The following FAM111A variants were observed in gnomAD, a reference collection of about 807,000 sequenced individuals.
FAM111A encodes serine protease FAM111A.
A neutral mutation model predicts 3.3 loss-of-function variants in FAM111A; 8 were observed. That is an observed-to-expected ratio of 2.39 (90% confidence interval 1.40 to 4.32). FAM111A has a LOEUF of 4.32. FAM111A is among the 30% of genes most tolerant of loss of function. FAM111A has a pLI of 0.00. For synonymous variants in FAM111A, 227 were observed against 243.1 expected (o/e 0.93, Z 0.62); for missense variants, 683 against 727.6 (o/e 0.94, Z 0.71).
At position 59,152,188 on chromosome 11, in the gene FAM111A, C is replaced by A. The variant is rs1861764683; in HGVS notation, c.520C>A (p.Gln174Lys). 6.2e-7 allele frequency: 1 copy of A among 1,614,068 alleles called. No homozygotes were observed. Residue 174 changes from glutamine to lysine, a missense_variant, in exon 6 of 6, where the codon CAG (glutamine) becomes AAG (lysine). Coordinates refer to ENST00000675163, the MANE Select transcript of FAM111A (RefSeq NM_001312909.2). ...QKEDNHIFGRQDKASTECVKF... is the reference protein window; with the variant it reads ...QKEDNHIFGRKDKASTECVKF... ...GGAAGATAACCACATATTTGGCAGGCAGGACAAAGCATCGACTGAATGTGT... is the reference window on the plus strand; with the variant it reads ...GGAAGATAACCACATATTTGGCAGGAAGGACAAAGCATCGACTGAATGTGT...
rs143326650 is a variant in FAM111A, at chr11:59,151,775, G to A, written c.107G>A (p.Cys36Tyr). The A allele has an allele frequency of 1.2e-3, 1,899 of 1,594,248 alleles. 32 individuals are homozygous for A. The South Asian group carries it at 0.016, about 14-fold the overall frequency. The part of the protein sequence containing the change: ...SPVSKEQQNN[C>Y]STSLMRMESR... ...GTCTCTAAAGAGCAACAGAATAATT[G>A]CAGTACTTCTCTAATGAGGATGGAG... The change falls in exon 6 of 6, where the codon TGC becomes TAC. Residue 36 changes from cysteine (C) to tyrosine (Y), a missense_variant. Cys to Tyr is a radical substitution (Grantham distance 194). Around this residue, in one of 3 missense-constraint regions of FAM111A, gnomAD observed 557 missense variants for 600.2 expected, o/e 0.93. Coordinates refer to ENST00000675163, the MANE Select transcript of FAM111A (RefSeq NM_001312909.2).
chr11:59,146,883 T>A (rs1464794387), intron 4 of FAM111A, among the ~76,000 whole-genome samples: 12 of 152,212 alleles, frequency 7.9e-5, no homozygotes, highest in Non-Finnish European at 7.3e-5. Flanking sequence ...AAGGAAACTG[T>A]GTACCTCAGT....
At chr11:59,143,969 A>G (rs535424791) in intron 3 of FAM111A, 5 of 152,258 alleles carry the variant, frequency 3.3e-5, no homozygotes, top group Non-Finnish European at 7.4e-5. Context: ...TTATCTACCA[A>G]TCCTAAACTT....
intron 3 of FAM111A, chr11:59,145,121 G>A (rs1361471671): frequency 6.5e-6 from 1 of 152,744 alleles, no homozygotes; most frequent in African/African-American, 2.4e-5. Flanking sequence ...AGGATTGGAA[G>A]AGGCTTAGAG....
chr11:59,147,929 G>A (rs1238194043), intron 4 of FAM111A, among the ~76,000 whole-genome samples: 1 of 152,212 alleles, frequency 6.6e-6, no homozygotes, highest in African/African-American at 2.4e-5. Flanking sequence ...ACATGAGATA[G>A]TTGATGAAAA....
Position 59,151,943 on chromosome 11 carries a change from T to C in FAM111A, c.275T>C (p.Met92Thr), listed in dbSNP as rs1173134948. 6.2e-7 allele frequency: 1 copy of C among 1,614,044 alleles called. No individual in the cohort carries two copies. The highest frequency in any genetic ancestry group is 1.1e-5 in the South Asian group (1 of 91,082). The change falls in exon 6 of 6, where the codon ATG becomes ACG. Residue 92 changes from methionine (M) to threonine (T), a missense_variant. This residue lies in a region of FAM111A where 557 missense variants were observed against 600.2 expected (regional missense o/e 0.93). Coordinates refer to ENST00000675163, the MANE Select transcript of FAM111A (RefSeq NM_001312909.2). ...LKVNHRRNQDMKLKLTHSENS... is the reference protein window; with the variant it reads ...LKVNHRRNQDTKLKLTHSENS... ...GTAAACCACAGGAGAAACCAAGATA[T>C]GAAACTTAAGCTCACACATAGTGAG...
At chr11:59,144,595 T>C (rs1362074964) in intron 3 of FAM111A, 1 of 152,206 alleles carries the variant, frequency 6.6e-6, no homozygotes, top group Non-Finnish European at 1.5e-5. Context: ...CTCTGGGGAT[T>C]AGGAAATTCA....
chr11:59,149,123 T>A (rs1302999048), intron 5 of FAM111A, 170 bp downstream of exon 5: 3 of 586,018 alleles, frequency 5.1e-6, no homozygotes, highest in South Asian at 4.2e-5. Flanking sequence ...CTTTAAATCA[T>A]CTCTGGATTA....
In FAM111A at chr11:59,153,699, C is replaced by A. The variant is rs923176411; in HGVS notation, c.*195C>A. 4 of 472,766 alleles carry A rather than the reference C, an allele frequency of 8.5e-6. No individual in the cohort carries two copies. Among genetic ancestry groups the A allele is most frequent in the South Asian group, 6.6e-5 (2 of 30,086 alleles). The allele number at this position is 472,766 out of a possible 1,614,324, so 29.3% of individuals were successfully genotyped here. On this transcript the variant is annotated 3_prime_UTR_variant, in exon 6 of 6. Transcript: ENST00000675163. Reference sequence around the variant, plus strand: ...CACTATGAGATGGACTATAACTTGCCCAAATTTTTTTTTTTTTTTTGAGAC... The same window carrying A: ...CACTATGAGATGGACTATAACTTGCACAAATTTTTTTTTTTTTTTTGAGAC...
At position 59,152,987 on chromosome 11, in the gene FAM111A, A is replaced by T; in HGVS notation, c.1319A>T (p.Tyr440Phe). The T allele has an allele frequency of 6.2e-7, 1 of 1,614,162 alleles. No homozygotes were observed. The highest frequency in any genetic ancestry group is 8.5e-7 in the Non-Finnish European group (1 of 1,180,022). The change falls in exon 6 of 6, where the codon TAT becomes TTT. Residue 440 changes from tyrosine (Y) to phenylalanine (F), a missense_variant. Physicochemically the swap from Tyr to Phe is conservative, Grantham distance 22. Coordinates refer to ENST00000675163, the MANE Select transcript of FAM111A (RefSeq NM_001312909.2). ...GAGATACATAATGAAGAGCTTGACT[A>T]TGCTGTCCTGAAACTGAAGGAAAAT... The part of the protein sequence containing the change: ...WFEIHNEELD[Y>F]AVLKLKENGQ...
intron 5 of FAM111A, 32 bp from the exon 6 acceptor site, chr11:59,151,718 A>C (rs766360119): frequency 6.8e-7 from 1 of 1,467,228 alleles, no homozygotes; most frequent in South Asian, 1.3e-5. Flanking sequence ...GGTTGCATTC[A>C]GAGTTTTAAA....
At chr11:59,145,889 A>G (rs1321421617) in intron 4 of FAM111A, 33 bp downstream of exon 4, 1 of 151,750 alleles carries the variant, frequency 6.6e-6, no homozygotes, top group African/African-American at 2.4e-5. Context: ...CATTTACATG[A>G]CCTTTTTATT....
intron 5 of FAM111A, 123 bp downstream of exon 5, chr11:59,149,076 T>A (rs1259928018): frequency 5.8e-6 from 4 of 685,382 alleles, no homozygotes; most frequent in Non-Finnish European, 1.1e-5. Flanking sequence ...TAACATGGCA[T>A]AGTATTGGCA....
chr11:59,148,340 A>G (rs1399142868), intron 4 of FAM111A: 1 of 152,338 alleles, frequency 6.6e-6, no homozygotes. Flanking sequence ...CTGTAATTTT[A>G]TCTCCCCTTG....
rs1431143166 is a variant in FAM111A at position 59,152,491 on chromosome 11, A to G, written c.823A>G (p.Ser275Gly). 1 of 1,614,084 alleles carries G rather than the reference A, an allele frequency of 6.2e-7. No homozygotes were observed. Among genetic ancestry groups the G allele is most frequent in the Non-Finnish European group, 8.5e-7 (1 of 1,180,016 alleles). ...QVEVEKRMVP[S>G]AAASQNPESE... ...TGAGGTTGAGAAAAGAATGGTCCCC[A>G]GTGCAGCAGCTTCTCAGAATCCTGA... The change falls in exon 6 of 6, where the codon AGT becomes GGT. Residue 275 changes from serine to glycine, a missense_variant. Around this residue, in one of 3 missense-constraint regions of FAM111A, gnomAD observed 557 missense variants for 600.2 expected, o/e 0.93. Coordinates refer to ENST00000675163, the MANE Select transcript of FAM111A (RefSeq NM_001312909.2).
chr11:59,149,465 G>A (rs1211347177), intron 5 of FAM111A, among the ~76,000 whole-genome samples: 3 of 152,008 alleles, frequency 2.0e-5, no homozygotes, highest in Non-Finnish European at 4.4e-5. Context: ...GGCGGCATGG[G>A]GAAGAGAGTT....
rs201762811 is a variant in FAM111A, at chr11:59,152,909, A to T, written c.1241A>T (p.Tyr414Phe). Reference sequence around the variant, plus strand: ...CAATGTGTAAGGGTGACATTTGGTTATGAAGAGCTAAAAGACAAGGAAACA... The same window carrying T: ...CAATGTGTAAGGGTGACATTTGGTTTTGAAGAGCTAAAAGACAAGGAAACA... ...IGQCVRVTFG[Y>F]EELKDKETNY... is the part of the protein sequence containing the mutation. The change falls in exon 6 of 6, where the codon TAT becomes TTT. Residue 414 changes from tyrosine to phenylalanine, a missense_variant. Tyr to Phe is a conservative substitution (Grantham distance 22). This residue lies in a region of FAM111A where 557 missense variants were observed against 600.2 expected (regional missense o/e 0.93). Coordinates refer to ENST00000675163, the MANE Select transcript of FAM111A (RefSeq NM_001312909.2). 36 of 1,614,076 alleles carry T rather than the reference A, an allele frequency of 2.2e-5. No homozygotes were observed. Among genetic ancestry groups the T allele is most frequent in the Admixed American group, 3.3e-5 (2 of 60,010 alleles).
chr11:59,146,143 G>A (rs1860866353), intron 4 of FAM111A, among the ~76,000 whole-genome samples: 1 of 151,866 alleles, frequency 6.6e-6, no homozygotes, highest in African/African-American at 2.4e-5. Context: ...GGAGGGCAGT[G>A]GTGTGATCTC....
Position 59,153,685 on chromosome 11 carries a change from G to T in FAM111A, c.*181G>T. 1.9e-6 allele frequency: 1 copy of T among 523,842 alleles called. No individual in the cohort carries two copies. Among genetic ancestry groups the T allele is most frequent in the Non-Finnish European group, 3.3e-6 (1 of 305,894 alleles). The allele number at this position is 523,842 out of a possible 1,614,324, so 32.4% of individuals were successfully genotyped here. On this transcript the variant is annotated 3_prime_UTR_variant, in exon 6 of 6. Transcript: ENST00000675163. ...ATTAGTCCTAACAACACTATGAGAT[G>T]GACTATAACTTGCCCAAATTTTTTT...
Sources: gnomAD v4.1 joint callset for allele counts (sites outside exome capture counted in the v4.1 genomes callset) on GRCh38, gnomAD v4.1.1 for gene constraint, gnomAD v4.1.1 regional missense constraint, MANE v1.5 for transcripts, NCBI Gene and HGNC (gene_info 2026-07-23, HGNC 2026-07-21) for gene names.